Variants in CSMD1 observed in about 807,000 individuals in gnomAD.
CSMD1 encodes the protein CUB and Sushi multiple domains 1.
CSMD1 carries 213 observed loss-of-function variants against 417.5 expected under a neutral mutation model. The ratio of observed to expected loss-of-function variants is 0.51; its 90% CI spans 0.46 to 0.57. The LOEUF (loss-of-function observed/expected upper bound fraction) is 0.57, where lower values mean the gene tolerates loss of function less well. Ranked by LOEUF, CSMD1 falls within the 20% of genes least tolerant of loss-of-function variation. The pLI is 0.00. For synonymous variants in CSMD1, 2,862 were observed against 1,736.8 expected (o/e 1.65, Z -16.11); for missense variants, 6,923 against 4,529.7 (o/e 1.53, Z -15.17).
intron 5 of CSMD1, among the ~76,000 whole-genome samples, chr8:3,769,314 T>G (rs1459949807): frequency 6.6e-6 from 1 of 152,066 alleles, no homozygotes; most frequent in Admixed American, 6.6e-5. Flanking sequence ...AAAATCATTT[T>G]GAGAAAAATT....
Position 3,217,201 on chromosome 8 carries a change from A to G in CSMD1, c.4672+2054T>C, listed in dbSNP as rs924147827. ...ACATCACTGTCGTGGGCTGCATGCA[A>G]TGGCATCACTGCTCCAGGCTGCATG... On this transcript the variant is annotated intron_variant, in intron 29 of 69. Coordinates refer to ENST00000635120, the MANE Select transcript of CSMD1 (RefSeq NM_033225.6). Among the ~76,000 whole-genome samples the G allele has an allele frequency of 2.3e-4, 35 of 152,242 alleles. 1 individual carries two copies. The highest frequency in any genetic ancestry group is 2.3e-3 in the Admixed American group (35 of 15,294).
chr8:4,489,257 T>C (rs1468451526), intron 2 of CSMD1, among the ~76,000 whole-genome samples: 2 of 152,204 alleles, frequency 1.3e-5, no homozygotes, highest in South Asian at 2.1e-4. Flanking sequence ...GCCCTCCTTT[T>C]TCTAAGAATA....
chr8:4,637,315 C>G (rs773718837), intron 2 of CSMD1, 27 bp downstream of exon 2: 16 of 1,514,202 alleles, frequency 1.1e-5, no homozygotes, highest in East Asian at 2.3e-5. Flanking sequence ...ACAGTGCTAA[C>G]TGTAATATAA....
At chr8:3,478,183 G>A (rs537359275) in intron 11 of CSMD1, among the ~76,000 whole-genome samples, 2 of 152,310 alleles carry the variant, frequency 1.3e-5, no homozygotes, top group South Asian at 2.1e-4. Flanking sequence ...AGAAGATGAT[G>A]TGACTTAACA....
intron 54 of CSMD1, among the ~76,000 whole-genome samples, chr8:2,992,370 C>T (rs932628996): frequency 2.0e-5 from 3 of 151,954 alleles, no homozygotes; most frequent in Non-Finnish European, 4.4e-5. Flanking sequence ...GAAAGCGCCC[C>T]TGAACTGCAC....
intron 2 of CSMD1, among the ~76,000 whole-genome samples, chr8:4,464,140 C>T (rs997261398): frequency 6.8e-6 from 1 of 146,652 alleles, no homozygotes; most frequent in Non-Finnish European, 1.5e-5. Context: ...GAAGGCTTAT[C>T]CCTCCAGCTG....
At chr8:4,773,379 G>A (rs187228412) in intron 1 of CSMD1, among the ~76,000 whole-genome samples, 2 of 152,142 alleles carry the variant, frequency 1.3e-5, no homozygotes, top group African/African-American at 2.4e-5. Context: ...AAACTGACCA[G>A]AAAATCCCAA....
rs571778240 is a variant in CSMD1 at position 3,365,095 on chromosome 8, T to C, written c.3115+1937A>G. Among the ~76,000 whole-genome samples the C allele has an allele frequency of 2.6e-4, 39 of 152,298 alleles. No individual in the cohort carries two copies. The South Asian group carries it at 7.5e-3, about 29-fold the overall frequency. On this transcript the variant is annotated intron_variant, in intron 20 of 69. Coordinates refer to ENST00000635120, the MANE Select transcript of CSMD1 (RefSeq NM_033225.6). Reference sequence around the variant, plus strand: ...AGAACTGGAGGAAGTGATATTCTCATAGCAATACTAATTGAGATACACCAG... The same window carrying C: ...AGAACTGGAGGAAGTGATATTCTCACAGCAATACTAATTGAGATACACCAG...
intron 30 of CSMD1, among the ~76,000 whole-genome samples, chr8:3,212,473 C>A (rs1376951794): frequency 6.6e-6 from 1 of 152,106 alleles, no homozygotes; most frequent in African/African-American, 2.4e-5. Context: ...CTCATCCTCC[C>A]AAGCAGCTGG....
At chr8:3,315,661 T>C (rs994215226) in intron 23 of CSMD1, among the ~76,000 whole-genome samples, 4 of 148,536 alleles carry the variant, frequency 2.7e-5, no homozygotes, top group Non-Finnish European at 1.5e-5. Flanking sequence ...AAAATAGCAA[T>C]AGCAAACAGG....
chr8:3,615,280 G>C (rs974954708), intron 8 of CSMD1, among the ~76,000 whole-genome samples: 2 of 152,132 alleles, frequency 1.3e-5, no homozygotes, highest in African/African-American at 2.4e-5. Context: ...TGTCAGTACA[G>C]TTTGTGCCCC....
chr8:3,786,402 A>C (rs1799459399), intron 5 of CSMD1, among the ~76,000 whole-genome samples: 1 of 152,122 alleles, frequency 6.6e-6, no homozygotes, highest in East Asian at 1.9e-4. Context: ...AGAGGATCGA[A>C]CAAGAGTTTG....
chr8:4,228,987 G>A (rs565731044), intron 3 of CSMD1, among the ~76,000 whole-genome samples: 20 of 152,188 alleles, frequency 1.3e-4, no homozygotes, highest in East Asian at 9.7e-4. Flanking sequence ...ATTTTAAAGC[G>A]CGAACCTGGA....
intron 1 of CSMD1, among the ~76,000 whole-genome samples, chr8:4,664,309 C>A (rs1804783383): frequency 6.6e-6 from 1 of 152,182 alleles, no homozygotes; most frequent in Admixed American, 6.5e-5. Context: ...CCTATAATCT[C>A]AGCACTGTGG....
At chr8:4,256,276 C>G (rs1455578651) in intron 3 of CSMD1, among the ~76,000 whole-genome samples, 1 of 152,180 alleles carries the variant, frequency 6.6e-6, no homozygotes, top group Non-Finnish European at 1.5e-5. Context: ...AGAGGTTTCA[C>G]GATGCTTATG....
chr8:4,250,381 C>T (rs1300979110), intron 3 of CSMD1, among the ~76,000 whole-genome samples: 1 of 151,986 alleles, frequency 6.6e-6, no homozygotes, highest in African/African-American at 2.4e-5. Context: ...GCATAGTGTC[C>T]CCAAGATAAG....
At chr8:4,919,374 A>C (rs1806284263) in intron 1 of CSMD1, among the ~76,000 whole-genome samples, 1 of 152,190 alleles carries the variant, frequency 6.6e-6, no homozygotes, top group Non-Finnish European at 1.5e-5. Context: ...AGCATAAACA[A>C]ATAATCTAAT....
intron 18 of CSMD1, among the ~76,000 whole-genome samples, chr8:3,385,008 T>A (rs1810903188): frequency 1.6e-5 from 1 of 60,752 alleles, no homozygotes; most frequent in African/African-American, 6.3e-5. Context: ...TATTTATATA[T>A]AAATATATAA....
chr8:3,551,959 G>GGGAGCTGAGGACTCCCAGA (rs1798934727), intron 10 of CSMD1, among the ~76,000 whole-genome samples: 2 of 152,166 alleles, frequency 1.3e-5, no homozygotes, highest in African/African-American at 4.8e-5. Context: ...CTGCCACTGT[G>GGGAGCTGAGGACTCCCAGA]GGAGCTGAGG....
Sources: gnomAD v4.1 joint callset for allele counts (sites outside exome capture counted in the v4.1 genomes callset) on GRCh38, gnomAD v4.1.1 for gene constraint, MANE v1.5 for transcripts, NCBI Gene and HGNC (gene_info 2026-07-23, HGNC 2026-07-21) for gene names.